Variants in ZSWIM5 observed in about 807,000 individuals in gnomAD.
ZSWIM5 encodes the protein zinc finger SWIM domain-containing protein 5.
Under a neutral mutation model 119.6 loss-of-function variants are expected in ZSWIM5, and 55 were observed. The observed-to-expected ratio is 0.46, with a 90% CI of 0.37 to 0.58. The LOEUF (loss-of-function observed/expected upper bound fraction) is 0.58. ZSWIM5 is among the 20% of genes least tolerant of loss of function. The pLI, the probability that ZSWIM5 is intolerant of heterozygous loss-of-function variation, is 0.00. For missense variants in ZSWIM5, 1,193 were observed against 1,512.8 expected (o/e 0.79, Z 3.51); for synonymous variants, 537 against 606.9 (o/e 0.88, Z 1.69).
intron 1 of ZSWIM5, among the ~76,000 whole-genome samples, chr1:45,116,004 G>C (rs1004701108): frequency 2.0e-5 from 3 of 152,168 alleles, no homozygotes; most frequent in Non-Finnish European, 2.9e-5. Flanking sequence ...GGCACTCGCA[G>C]GCTGAGGCAG....
At chr1:45,139,314 G>A (rs566335999) in intron 1 of ZSWIM5, among the ~76,000 whole-genome samples, 1 of 151,444 alleles carries the variant, frequency 6.6e-6, no homozygotes, top group South Asian at 2.1e-4. Context: ...CTTACTAGCT[G>A]GGACTACAGA....
intron 1 of ZSWIM5, among the ~76,000 whole-genome samples, chr1:45,197,032 G>A (rs1006727277): frequency 6.6e-6 from 1 of 152,096 alleles, no homozygotes; most frequent in African/African-American, 2.4e-5. Flanking sequence ...TATTCACATT[G>A]CCCAAAACAA....
Position 45,051,236 on chromosome 1 carries a change from T to C in ZSWIM5, c.1270A>G (p.Ile424Val), listed in dbSNP as rs556372810. Residue 424 changes from isoleucine to valine, a missense_variant, in exon 5 of 14, where the codon ATA becomes GTA. Around this residue, in one of 2 missense-constraint regions of ZSWIM5, gnomAD observed 961 missense variants for 1,290.0 expected, o/e 0.74. Transcript: ENST00000359600. ...WDELGALWVC[I>V]ILNPHCKLEE... ...AGTTTGCAGTGTGGATTTAAAATTA[T>C]GCACACCCATAAAGCCCCTGGAAAA... The C allele has an allele frequency of 5.6e-6, 9 of 1,614,182 alleles. No homozygotes were observed. Among genetic ancestry groups the C allele is most frequent in the African/African-American group, 1.3e-5 (1 of 75,064 alleles).
chr1:45,121,813 A>T (rs570889569), intron 1 of ZSWIM5, among the ~76,000 whole-genome samples: 1 of 151,916 alleles, frequency 6.6e-6, no homozygotes, highest in African/African-American at 2.4e-5. Flanking sequence ...GGTCTAAATG[A>T]CGGGGCTCAA....
intron 1 of ZSWIM5, among the ~76,000 whole-genome samples, chr1:45,098,213 A>G (rs1410211585): frequency 6.6e-6 from 1 of 152,228 alleles, no homozygotes; most frequent in Non-Finnish European, 1.5e-5. Flanking sequence ...GAAGCGGGAA[A>G]GTGACAAGTG....
chr1:45,064,649 G>A (rs1446453581), intron 2 of ZSWIM5, among the ~76,000 whole-genome samples: 6 of 152,126 alleles, frequency 3.9e-5, no homozygotes, highest in African/African-American at 1.4e-4. Context: ...TTGTTTGCTG[G>A]TATATTCACA....
At chr1:45,023,785 C>T (rs917911103) in intron 11 of ZSWIM5, among the ~76,000 whole-genome samples, 1 of 152,100 alleles carries the variant, frequency 6.6e-6, no homozygotes, top group African/African-American at 2.4e-5. Context: ...AAAAAAAAGA[C>T]CAAACTGTCT....
At chr1:45,080,298 A>G (rs1645282339) in intron 2 of ZSWIM5, among the ~76,000 whole-genome samples, 1 of 152,136 alleles carries the variant, frequency 6.6e-6, no homozygotes, top group African/African-American at 2.4e-5. Context: ...CTGGAACTCA[A>G]GTTTGGACTG....
At chr1:45,136,378 T>C (rs1339206593) in intron 1 of ZSWIM5, among the ~76,000 whole-genome samples, 2 of 152,148 alleles carry the variant, frequency 1.3e-5, no homozygotes, top group Non-Finnish European at 2.9e-5. Flanking sequence ...TAAAAGCAAC[T>C]GGGATTACAA....
intron 1 of ZSWIM5, among the ~76,000 whole-genome samples, chr1:45,126,589 A>C (rs1305599536): frequency 7.9e-5 from 12 of 152,120 alleles, no homozygotes. Flanking sequence ...ATTTTACTGG[A>C]GAATCCTACC....
Position 45,044,778 on chromosome 1 carries a change from T to TATATATATAA in ZSWIM5, c.1433-1384_1433-1383insTTATATATAT, listed in dbSNP as rs1557746499. Among the ~76,000 whole-genome samples the TATATATATAA allele has an allele frequency of 7.0e-3, 19 of 2,712 alleles. 4 individuals are homozygous for TATATATATAA. The highest frequency in any genetic ancestry group is 0.011 in the Non-Finnish European group (14 of 1,298). 1.8% of individuals were successfully genotyped at this position (2,712 alleles called of 152,430 possible). A position where few individuals can be genotyped will look rare whatever the true frequency, so the allele number is the denominator to read the frequency against. On this transcript the variant is annotated intron_variant, in intron 5 of 13. Coordinates refer to ENST00000359600, the MANE Select transcript of ZSWIM5 (RefSeq NM_020883.2). ...ATATATATATATATATATATATAAA[T>TATATATATAA]ATATATATATAAATATATATATATA...
intron 1 of ZSWIM5, among the ~76,000 whole-genome samples, chr1:45,127,849 CA>C (rs1355768486): frequency 2.0e-5 from 3 of 151,832 alleles, no homozygotes; most frequent in Non-Finnish European, 4.4e-5. Flanking sequence ...TATAGAAACC[CA>C]AACTAAAAAC....
chr1:45,067,464 A>T (rs1473285738), intron 2 of ZSWIM5, among the ~76,000 whole-genome samples: 1 of 151,844 alleles, frequency 6.6e-6, no homozygotes, highest in African/African-American at 2.4e-5. Context: ...AGAAAGAAAG[A>T]AAGAAAGAAA....
chr1:45,052,543 GCA>G, intron 4 of ZSWIM5, among the ~76,000 whole-genome samples: 1 of 152,126 alleles, frequency 6.6e-6, no homozygotes, highest in Admixed American at 6.5e-5. Context: ...GCCAAGGAGG[GCA>G]GATCACTTGA....
At chr1:45,044,711 C>G (rs1403023313) in intron 5 of ZSWIM5, among the ~76,000 whole-genome samples, 2 of 49,688 alleles carry the variant, frequency 4.0e-5, no homozygotes, top group African/African-American at 1.6e-4. Context: ...GCGACAGAGC[C>G]AGACTCCGTC....
intron 1 of ZSWIM5, among the ~76,000 whole-genome samples, chr1:45,155,418 TACA>T (rs1645821192): frequency 6.6e-6 from 1 of 150,932 alleles, no homozygotes; most frequent in Non-Finnish European, 1.5e-5. Flanking sequence ...GGAACATTTC[TACA>T]TTGCTGGTGG....
chr1:45,155,451 C>A (rs926597341), intron 1 of ZSWIM5, among the ~76,000 whole-genome samples: 1 of 148,260 alleles, frequency 6.7e-6, no homozygotes, highest in African/African-American at 2.6e-5. Context: ...CTAGTACAGC[C>A]ACTATGAAAA....
In ZSWIM5 at chr1:45,035,036, C is replaced by T. The variant is rs372841651; in HGVS notation, c.2292-567G>A. ...CTCCTGGGCTCAAGCAATCTACCTG[C>T]CTCGGCCTCCCAAAGTGCTAGGATT... On this transcript the variant is annotated intron_variant, in intron 10 of 13. Transcript: ENST00000359600. Among the ~76,000 whole-genome samples, 16 of 152,286 alleles carry T rather than the reference C, an allele frequency of 1.1e-4. No individual in the cohort carries two copies. In the East Asian group the frequency reaches 2.1e-3, roughly 20 times the overall value.
At chr1:45,093,846 G>GT (rs11383878) in intron 1 of ZSWIM5, among the ~76,000 whole-genome samples, 93,284 of 137,476 alleles carry the variant, frequency 0.68, 31,963 homozygotes, top group Middle Eastern at 0.71. Context: ...GTAGAAGCTT[G>GT]TTTTTTTTTT....
Sources: gnomAD v4.1 joint callset for allele counts (sites outside exome capture counted in the v4.1 genomes callset) on GRCh38, gnomAD v4.1.1 for gene constraint, gnomAD v4.1.1 regional missense constraint, MANE v1.5 for transcripts, NCBI Gene and HGNC (gene_info 2026-07-23, HGNC 2026-07-21) for gene names.